The following ACSS1 variants were observed in gnomAD, a reference collection of about 807,000 sequenced individuals.
The protein encoded by ACSS1 is acetyl-coenzyme A synthetase 2-like, mitochondrial.
A neutral mutation model predicts 75.3 loss-of-function variants in ACSS1; 42 were observed. The observed-to-expected ratio is 0.56, with a 90% CI of 0.44 to 0.72. The LOEUF is 0.72. Among genes scored for constraint, ACSS1 ranks in the 30% least tolerant of loss-of-function variants. The probability of loss-of-function intolerance (pLI) is 0.00; values close to 1 mark genes in which losing one functional copy is unlikely to be tolerated. For missense variants in ACSS1, 782 were observed against 935.7 expected (o/e 0.84, Z 2.14); for synonymous variants, 380 against 376.8 (o/e 1.01, Z -0.10).
At position 25,006,907 on chromosome 20, in the gene ACSS1, A is replaced by G. The variant is rs1271444196; in HGVS notation, c.*855T>C. Reference sequence around the variant, plus strand: ...GAGTTTCTAATAGCTTCCCTGAAGAACCCAACTATTTGGAGTATGTTGCCT... The same window carrying G: ...GAGTTTCTAATAGCTTCCCTGAAGAGCCCAACTATTTGGAGTATGTTGCCT... On this transcript the variant is annotated 3_prime_UTR_variant, in exon 14 of 14. Coordinates refer to ENST00000323482, the MANE Select transcript of ACSS1 (RefSeq NM_032501.4). 3.3e-6 allele frequency: 5 copies of G among 1,535,480 alleles called. No homozygotes were observed. The highest frequency in any genetic ancestry group is 4.4e-6 in the Non-Finnish European group (5 of 1,146,728).
chr20:25,016,928 G>A (rs180815159), intron 7 of ACSS1, among the ~76,000 whole-genome samples: 74 of 152,206 alleles, frequency 4.9e-4, no homozygotes, highest in Admixed American at 2.6e-4. Context: ...AGACAGGGCC[G>A]AAGGCGCAGG....
chr20:25,009,285 C>A lies in ACSS1; in HGVS notation c.1875G>T (p.Val625=), dbSNP rs768420129. The change falls in exon 13 of 14, where the codon GTG becomes GTT. Residue 625 remains valine, a synonymous_variant. Coordinates refer to ENST00000323482, the MANE Select transcript of ACSS1 (RefSeq NM_032501.4). ...GCCCACTCACCAGGATCTCATCAGG[C>A]ACAGCATATTTGGCGATCTTGGTGG... ...MVATKIAKYA[V]PDEILVVKRL... The A allele has an allele frequency of 1.4e-5, 22 of 1,613,464 alleles. No individual in the cohort carries two copies. Among genetic ancestry groups the A allele is most frequent in the Non-Finnish European group, 1.1e-5 (13 of 1,179,424 alleles).
rs533930859 is a variant in ACSS1, at chr20:25,021,337, C to A, written c.1108+52G>T. 11 of 1,593,680 alleles carry A rather than the reference C, an allele frequency of 6.9e-6. No individual in the cohort carries two copies. In the East Asian group the frequency reaches 2.2e-4, roughly 32 times the overall value. On this transcript the variant is annotated intron_variant, in intron 6 of 13. Transcript: ENST00000323482. ...CTCTCCACAAGCCTCGAGCCTCAGG[C>A]TCTCTCCCCTGACACCAGCATGGGG...
intron 2 of ACSS1, chr20:25,045,925 TA>T (rs143111388): frequency 0.43 from 64,690 of 151,878 alleles, 14,644 homozygotes; most frequent in East Asian, 0.84. Context: ...AATTTATTTT[TA>T]TTTTTATTTT....
intron 1 of ACSS1, among the ~76,000 whole-genome samples, chr20:25,049,931 G>A (rs73906066): frequency 7.9e-5 from 12 of 152,104 alleles, no homozygotes; most frequent in African/African-American, 2.9e-4. Context: ...GAGCTTTGCC[G>A]GTAGTGGGGG....
intron 2 of ACSS1, among the ~76,000 whole-genome samples, chr20:25,033,110 G>C (rs2088854994): frequency 6.6e-6 from 1 of 151,996 alleles, no homozygotes; most frequent in African/African-American, 2.4e-5. Flanking sequence ...GAGGAGGCTG[G>C]GGTGGCCTGT....
intron 2 of ACSS1, 86 bp from the exon 3 acceptor site, chr20:25,031,044 TTA>T: frequency 1.5e-6 from 2 of 1,321,070 alleles, no homozygotes; most frequent in Non-Finnish European, 2.1e-6. Context: ...ACTGCAAATT[TTA>T]TGTCATATAC....
At chr20:25,013,323 C>T (rs2088449836) in intron 10 of ACSS1, among the ~76,000 whole-genome samples, 2 of 152,154 alleles carry the variant, frequency 1.3e-5, no homozygotes, top group African/African-American at 4.8e-5. Context: ...CAAGAAAGTC[C>T]CCGAGTGGGG....
intron 1 of ACSS1, among the ~76,000 whole-genome samples, chr20:25,048,624 C>T (rs997461069): frequency 2.0e-5 from 3 of 152,316 alleles, no homozygotes; most frequent in African/African-American, 7.2e-5. Flanking sequence ...TCCTGCAGTT[C>T]CCATGTGCCC....
chr20:25,022,884 C>A, intron 5 of ACSS1, 56 bp downstream of exon 5: 1 of 1,531,208 alleles, frequency 6.5e-7, no homozygotes. Context: ...GACTTCCAGC[C>A]CTGCCCCTGC....
chr20:25,056,508 ACTAT>A (rs1316199873), intron 1 of ACSS1, among the ~76,000 whole-genome samples: 1 of 152,196 alleles, frequency 6.6e-6, no homozygotes, highest in Non-Finnish European at 1.5e-5. Context: ...ACTGCAAGAC[ACTAT>A]CTATAATTGT....
intron 8 of ACSS1, among the ~76,000 whole-genome samples, chr20:25,014,892 G>A (rs933533622): frequency 2.0e-5 from 3 of 152,278 alleles, no homozygotes; most frequent in Middle Eastern, 3.4e-3. Context: ...TGTGGGGGGC[G>A]CCCCCACCTC....
rs2088329362 is a variant in ACSS1 at position 25,007,518 on chromosome 20, A to C, written c.*244T>G. On this transcript the variant is annotated 3_prime_UTR_variant, in exon 14 of 14. Transcript: ENST00000323482. ...ATGCCTTTTCATTCCAGGAAACCAA[A>C]CTCAGATGGCAGAACCAGCCCTAGC... is the stretch of plus-strand genomic sequence containing the variant. 7.6e-7 allele frequency: 1 copy of C among 1,321,898 alleles called. No individual in the cohort carries two copies. Among genetic ancestry groups the C allele is most frequent in the East Asian group, 3.0e-5 (1 of 33,286 alleles). 81.9% of individuals were successfully genotyped at this position (1,321,898 alleles called of 1,614,324 possible). A position where few individuals can be genotyped will look rare whatever the true frequency, so the allele number is the denominator to read the frequency against.
intron 1 of ACSS1, among the ~76,000 whole-genome samples, chr20:25,050,285 G>A (rs1477233547): frequency 2.0e-5 from 3 of 152,058 alleles, no homozygotes; most frequent in Non-Finnish European, 4.4e-5. Flanking sequence ...TCCCTACACA[G>A]AGAGTCCTAC....
intron 2 of ACSS1, among the ~76,000 whole-genome samples, chr20:25,032,992 C>G (rs1358032982): frequency 6.6e-6 from 1 of 152,238 alleles, no homozygotes; most frequent in Non-Finnish European, 1.5e-5. Context: ...GCCCCACCCA[C>G]GCACCCCTTG....
intron 7 of ACSS1, among the ~76,000 whole-genome samples, chr20:25,016,785 G>A (rs2088524272): frequency 6.6e-6 from 1 of 152,232 alleles, no homozygotes; most frequent in African/African-American, 2.4e-5. Context: ...CGGCAAAGCA[G>A]GTCCGTGTGG....
At chr20:25,024,254 C>A (rs951434777) in intron 3 of ACSS1, among the ~76,000 whole-genome samples, 1 of 152,164 alleles carries the variant, frequency 6.6e-6, no homozygotes, top group Non-Finnish European at 1.5e-5. Context: ...CTCAGCCAGG[C>A]CCAGGGGGAA....
Position 25,007,622 on chromosome 20 carries a change from C to A in ACSS1, c.*140G>T. ...AGAAAGGGCTCTCAGCCCAGCTTCA[C>A]GTGAGGGCGGTGTGGGTCATGTGTG... On this transcript the variant is annotated 3_prime_UTR_variant, in exon 14 of 14. Coordinates refer to ENST00000323482, the MANE Select transcript of ACSS1 (RefSeq NM_032501.4). The A allele has an allele frequency of 6.7e-6, 10 of 1,500,070 alleles. No homozygotes were observed. The South Asian group carries it at 1.4e-4, about 20-fold the overall frequency. 92.9% of individuals were successfully genotyped at this position (1,500,070 alleles called of 1,614,324 possible).
intron 1 of ACSS1, among the ~76,000 whole-genome samples, chr20:25,055,164 T>C (rs1397515175): frequency 1.3e-5 from 2 of 152,248 alleles, no homozygotes; most frequent in African/African-American, 4.8e-5. Context: ...TTTTGCCCTT[T>C]GACATGAGTC....
Sources: allele counts gnomAD v4.1 joint callset (sites outside exome capture counted in the v4.1 genomes callset), GRCh38; gene constraint gnomAD v4.1.1; transcripts MANE v1.5; gene names NCBI Gene and HGNC (gene_info 2026-07-23, HGNC 2026-07-21).